Variants in BNC2 observed in about 807,000 individuals in gnomAD.
The protein encoded by BNC2 is zinc finger protein basonuclin-2.
Under a neutral mutation model 76.3 loss-of-function variants are expected in BNC2, and 20 were observed. The ratio of observed to expected loss-of-function variants is 0.26; its 90% CI spans 0.18 to 0.38. The LOEUF is 0.38. Among genes scored for constraint, BNC2 ranks in the 10% least tolerant of loss-of-function variants. The probability of loss-of-function intolerance (pLI) is 1.00; values close to 1 mark genes in which losing one functional copy is unlikely to be tolerated. For missense variants in BNC2, 1,382 were observed against 1,399.8 expected, an observed-to-expected ratio of 0.99 and a Z score of 0.20; for synonymous variants, 582 against 514.8, an observed-to-expected ratio of 1.13 and a Z score of -1.77.
At chr9:16,782,987 G>A (rs954498838) in intron 1 of BNC2, among the ~76,000 whole-genome samples, 1 of 152,180 alleles carries the variant, frequency 6.6e-6, no homozygotes, top group African/African-American at 2.4e-5. Context: ...AAACATCGGA[G>A]TGTAATCACT....
At chr9:16,691,813 T>C (rs1823180585) in intron 3 of BNC2, among the ~76,000 whole-genome samples, 1 of 139,360 alleles carries the variant, frequency 7.2e-6, no homozygotes, top group African/African-American at 2.7e-5. Context: ...CCAGCCATTT[T>C]TTTTTTTTTT....
chr9:16,680,185 G>A (rs1415548700), intron 3 of BNC2, among the ~76,000 whole-genome samples: 2 of 152,054 alleles, frequency 1.3e-5, no homozygotes, highest in South Asian at 2.1e-4. Context: ...ATTTACTTAG[G>A]TTTAGGAGGA....
chr9:16,451,322 T>C (rs1821335563), intron 5 of BNC2, among the ~76,000 whole-genome samples: 2 of 152,050 alleles, frequency 1.3e-5, no homozygotes, highest in African/African-American at 2.4e-5. Flanking sequence ...CAGATGAAGA[T>C]AGCCATTAAA....
At chr9:16,576,862 C>T (rs939728291) in intron 4 of BNC2, among the ~76,000 whole-genome samples, 22 of 152,232 alleles carry the variant, frequency 1.4e-4, no homozygotes, top group African/African-American at 4.3e-4. Context: ...TTCAGCCTCC[C>T]GAGTAGCTGG....
intron 1 of BNC2, among the ~76,000 whole-genome samples, chr9:16,761,474 A>C (rs946371528): frequency 2.6e-5 from 4 of 152,222 alleles, no homozygotes; most frequent in African/African-American, 9.6e-5. Flanking sequence ...CAAGAAACTG[A>C]TTCTAAAATA....
chr9:16,423,808 T>C (rs183858967), intron 6 of BNC2, among the ~76,000 whole-genome samples: 5 of 152,334 alleles, frequency 3.3e-5, no homozygotes, highest in Admixed American at 6.5e-5. Context: ...ACTTGGGCTA[T>C]GCTTGGAACT....
chr9:16,752,962 G>C (rs1188840393), intron 1 of BNC2, among the ~76,000 whole-genome samples: 1 of 152,150 alleles, frequency 6.6e-6, no homozygotes, highest in South Asian at 2.1e-4. Flanking sequence ...AAAACTTACA[G>C]AACTGCACAG....
At position 16,414,402 on chromosome 9, in the gene BNC2, T is replaced by C. The variant is rs1820540169; in HGVS notation, c.*4587A>G. The C allele has an allele frequency of 6.6e-6, 1 of 152,174 alleles. No homozygotes were observed. The allele number at this position is 152,174 out of a possible 1,614,324, so 9.4% of individuals were successfully genotyped here. The stretch of plus-strand genomic sequence containing the variant: ...TATCTTTTATTGCTCATCTTACTCA[T>C]TTAGATCCATCCCCAAAAAATAAAC... On this transcript the variant is annotated 3_prime_UTR_variant, in exon 7 of 7. Transcript: ENST00000380672.
chr9:16,677,582 C>A (rs1327293016), intron 3 of BNC2, among the ~76,000 whole-genome samples: 3 of 150,670 alleles, frequency 2.0e-5, no homozygotes, highest in Non-Finnish European at 3.0e-5. Flanking sequence ...CAAACAAACA[C>A]ACACACACAC....
At chr9:16,797,032 G>A (rs946286461) in intron 1 of BNC2, among the ~76,000 whole-genome samples, 2 of 152,156 alleles carry the variant, frequency 1.3e-5, no homozygotes, top group Admixed American at 6.5e-5. Context: ...TATGGTGTTG[G>A]TAGTAATAAA....
chr9:16,479,582 C>T (rs1485438631), intron 5 of BNC2, among the ~76,000 whole-genome samples: 1 of 152,176 alleles, frequency 6.6e-6, no homozygotes, highest in Admixed American at 6.5e-5. Flanking sequence ...CTACAATTAA[C>T]ATTTTATTAC....
rs1208430689 is a variant in BNC2 at position 16,649,026 on chromosome 9, TAGA to T, written c.331-65944_331-65942del. Among the ~76,000 whole-genome samples the T allele has an allele frequency of 3.3e-5, 5 of 152,292 alleles. No homozygotes were observed. The South Asian group carries it at 6.2e-4, about 19-fold the overall frequency. ...AGACTCTGTATGAAAGACAAAAACA[TAGA>T]AGAAGTGTATCTTTGATATGTAAGT... On this transcript the variant is annotated intron_variant, in intron 3 of 6. Coordinates refer to ENST00000380672, the MANE Select transcript of BNC2 (RefSeq NM_017637.6).
At chr9:16,760,313 G>A (rs984971746) in intron 1 of BNC2, among the ~76,000 whole-genome samples, 1 of 152,156 alleles carries the variant, frequency 6.6e-6, no homozygotes, top group African/African-American at 2.4e-5. Flanking sequence ...AAATAGCTAA[G>A]TCATTTAATA....
intron 3 of BNC2, 133 bp from the exon 4 acceptor site, chr9:16,583,218 A>G (rs2133059354): frequency 8.4e-6 from 6 of 716,708 alleles, no homozygotes; most frequent in East Asian, 8.1e-5. Flanking sequence ...AGTTTTAAAA[A>G]TAAATTTAGA....
Position 16,436,956 on chromosome 9 carries a change from T to G in BNC2, c.1238A>C (p.Asp413Ala). 1.2e-6 allele frequency: 2 copies of G among 1,614,148 alleles called. No homozygotes were observed. The highest frequency in any genetic ancestry group is 1.7e-6 in the Non-Finnish European group (2 of 1,180,032). The change falls in exon 6 of 7, where the codon GAT (aspartate) becomes GCT (alanine). Residue 413 changes from aspartate to alanine, a missense_variant. Around this residue, in one of 3 missense-constraint regions of BNC2, gnomAD observed 557 missense variants for 540.9 expected, o/e 1.03. Coordinates refer to ENST00000380672, the MANE Select transcript of BNC2 (RefSeq NM_017637.6). ...SPIQNSAPVS[D>A]LTKTEHPKSS... ...TTTTGGGTGTTCAGTTTTGGTTAGA[T>G]CACTGACTGGGGCAGAATTCTGAAT... is the stretch of plus-strand genomic sequence containing the variant.
At chr9:16,681,071 C>G (rs1171923505) in intron 3 of BNC2, among the ~76,000 whole-genome samples, 1 of 152,138 alleles carries the variant, frequency 6.6e-6, no homozygotes. Context: ...ACTGGGAAGT[C>G]CTGTGAAACC....
chr9:16,563,846 T>C (rs1163557474), intron 4 of BNC2, among the ~76,000 whole-genome samples: 2 of 152,232 alleles, frequency 1.3e-5, no homozygotes, highest in African/African-American at 2.4e-5. Flanking sequence ...CACCGGCAGA[T>C]ACTTCACTGA....
chr9:16,743,783 T>C (rs1397952656), intron 1 of BNC2, among the ~76,000 whole-genome samples: 2 of 152,138 alleles, frequency 1.3e-5, no homozygotes, highest in Non-Finnish European at 2.9e-5. Flanking sequence ...CTGGCTCCTT[T>C]TTTCTCCCCC....
chr9:16,691,504 C>CTTTTTT (rs71327842), intron 3 of BNC2, among the ~76,000 whole-genome samples: 7 of 113,232 alleles, frequency 6.2e-5, no homozygotes, highest in African/African-American at 7.0e-5. Context: ...GGTATGGGTT[C>CTTTTTT]TTTTTTTTTT....
Sources: allele counts gnomAD v4.1 joint callset (sites outside exome capture counted in the v4.1 genomes callset), GRCh38; gene constraint gnomAD v4.1.1; regional missense constraint gnomAD v4.1.1; transcripts MANE v1.5; gene names NCBI Gene and HGNC (gene_info 2026-07-23, HGNC 2026-07-21).